Variants in CLCN5 observed in about 807,000 individuals in gnomAD.
CLCN5 encodes H(+)/Cl(-) exchange transporter 5.
CLCN5 carries 17 observed loss-of-function variants against 54.0 expected under a neutral mutation model. The observed-to-expected ratio is 0.31, with a 90% CI of 0.22 to 0.47. The LOEUF is 0.47. CLCN5 is among the 20% of genes least tolerant of loss of function. CLCN5 has a pLI of 1.00. For synonymous variants in CLCN5, 222 were observed against 233.0 expected (o/e 0.95, Z 0.43); for missense variants, 448 against 646.7 (o/e 0.69, Z 3.33).
intron 4 of CLCN5, among the ~76,000 whole-genome samples, chrX:50,052,009 A>G (rs1932603052): frequency 9.0e-6 from 1 of 111,265 alleles, no homozygotes; most frequent in South Asian, 3.7e-4. Context: ...TCTCTTTCCA[A>G]CCTGTATACT....
chrX:50,083,977 T>C (rs1557193552), intron 9 of CLCN5, among the ~76,000 whole-genome samples: 1 of 112,249 alleles, frequency 8.9e-6, no homozygotes, highest in Non-Finnish European at 1.9e-5. Context: ...ATTTGGCTGT[T>C]TCTCTCTACA....
At chrX:49,970,825 A>C (rs1401427813) in intron 3 of CLCN5, among the ~76,000 whole-genome samples, 1 of 111,495 alleles carries the variant, frequency 9.0e-6, no homozygotes, top group Non-Finnish European at 1.9e-5. Context: ...TAGTATTTTG[A>C]GAAACTGCCA....
intron 3 of CLCN5, among the ~76,000 whole-genome samples, chrX:49,965,933 C>T (rs1927822052): frequency 8.9e-6 from 1 of 111,991 alleles, no homozygotes; most frequent in Admixed American, 9.5e-5. Context: ...TTAAATCAAC[C>T]TTGCCTTCCT....
Position 50,097,232 on chromosome X carries a change from G to C in CLCN5, c.*5013G>C, listed in dbSNP as rs1356610453. 1 of 112,055 alleles carries C rather than the reference G, an allele frequency of 8.9e-6. No individual in the cohort carries two copies. Among genetic ancestry groups the C allele is most frequent in the East Asian group, 2.8e-4 (1 of 3,562 alleles). 9.2% of individuals were successfully genotyped at this position (112,055 alleles called of 1,213,427 possible). A position where few individuals can be genotyped will look rare whatever the true frequency, so the allele number is the denominator to read the frequency against. On this transcript the variant is annotated 3_prime_UTR_variant, in exon 15 of 15. Transcript: ENST00000376091. ...AGCAACTTTAAGTTACTCCCCAAAC[G>C]TTTGCTGGCCACATTCTCATTTCTA... is the stretch of plus-strand genomic sequence containing the variant.
rs73492022 is a variant in CLCN5 at position 50,086,947 on chromosome X, A to G, written c.1557+77A>G. 3.6e-3 allele frequency: 3,384 copies of G among 936,199 alleles called. 57 individuals are homozygous for G. In the African/African-American group the frequency reaches 0.057, roughly 16 times the overall value. The allele number at this position is 936,199 out of a possible 1,213,427, so 77.2% of individuals were successfully genotyped here. A position where few individuals can be genotyped will look rare whatever the true frequency, so the allele number is the denominator to read the frequency against. ...GAGGGCAGAGCCCAGGTATCATACA[A>G]TCCTGATAGCTCATATGGTGCTTTC... is the stretch of plus-strand genomic sequence containing the variant. On this transcript the variant is annotated intron_variant, in intron 11 of 14. Coordinates refer to ENST00000376091, the MANE Select transcript of CLCN5 (RefSeq NM_001127898.4).
In CLCN5 at chrX:50,081,830, G is replaced by C; in HGVS notation, c.916G>C (p.Glu306Gln). ...CHCFNKYRKN[E>Q]AKRREVLSAA... ...CTGCTTCAACAAATACAGGAAGAAT[G>C]AAGCCAAGCGCAGAGAGGTAATAAT... The change falls in exon 9 of 15, where the codon GAA (glutamate) becomes CAA (glutamine). Residue 306 changes from glutamate (E) to glutamine (Q), a missense_variant. Physicochemically the swap from Glu to Gln is conservative, Grantham distance 29. Around this residue, in one of 5 missense-constraint regions of CLCN5, gnomAD observed 297 missense variants for 470.4 expected, o/e 0.63. Coordinates refer to ENST00000376091, the MANE Select transcript of CLCN5 (RefSeq NM_001127898.4). 8.3e-7 allele frequency: 1 copy of C among 1,209,640 alleles called. No individual in the cohort carries two copies. The highest frequency in any genetic ancestry group is 1.1e-6 in the Non-Finnish European group (1 of 894,075).
chrX:50,067,613 G>A, intron 4 of CLCN5: 1 of 753,753 alleles, frequency 1.3e-6, no homozygotes, highest in Non-Finnish European at 1.6e-6. Context: ...GTTTGTTGCT[G>A]TGAAAGGCAG....
chrX:49,977,166 G>A (rs781889087), intron 3 of CLCN5, among the ~76,000 whole-genome samples: 48 of 111,010 alleles, frequency 4.3e-4, no homozygotes, highest in Non-Finnish European at 7.5e-4. Context: ...TGGAGTTGAA[G>A]AGCAGGGAGG....
chrX:50,082,302 C>G (rs1194419636), intron 9 of CLCN5, among the ~76,000 whole-genome samples: 1 of 109,766 alleles, frequency 9.1e-6, no homozygotes, highest in Admixed American at 9.7e-5. Flanking sequence ...TGGTTTTACC[C>G]CAAACTGGTT....
intron 8 of CLCN5, among the ~76,000 whole-genome samples, chrX:50,081,382 G>A (rs1264905231): frequency 9.0e-6 from 1 of 110,740 alleles, no homozygotes; most frequent in Non-Finnish European, 1.9e-5. Flanking sequence ...CTTCATATAT[G>A]CACACTCTCA....
chrX:50,046,360 CT>C (rs1345436822), intron 4 of CLCN5, among the ~76,000 whole-genome samples: 1 of 112,137 alleles, frequency 8.9e-6, no homozygotes, highest in Non-Finnish European at 1.9e-5. Flanking sequence ...TTCGATTCCC[CT>C]TTTTTCCTCA....
intron 3 of CLCN5, among the ~76,000 whole-genome samples, chrX:50,004,140 C>T (rs1346200121): frequency 1.8e-5 from 2 of 111,348 alleles, no homozygotes; most frequent in Non-Finnish European, 3.8e-5. Flanking sequence ...CTGTTATCTC[C>T]CCAGACCCAG....
rs562497789 is a variant in CLCN5, at chrX:49,946,833, A to C, written c.16+21519A>C. On this transcript the variant is annotated intron_variant, in intron 3 of 14. Transcript: ENST00000376091. The stretch of plus-strand genomic sequence containing the variant: ...TCTTTTTTTCTTTTTCTTTTTTTTT[A>C]TTTTTATTTTTTGAGATGGAGTTTC... 2.7e-4 allele frequency among the ~76,000 whole-genome samples: 29 copies of C among 107,526 alleles called. No homozygotes were observed. The East Asian group carries it at 6.1e-3, about 23-fold the overall frequency. The allele number at this position is 107,526 out of a possible 115,157, so 93.4% of individuals were successfully genotyped here. A position where few individuals can be genotyped will look rare whatever the true frequency, so the allele number is the denominator to read the frequency against.
At chrX:49,992,751 C>T (rs1490879631) in intron 3 of CLCN5, among the ~76,000 whole-genome samples, 2 of 111,370 alleles carry the variant, frequency 1.8e-5, no homozygotes, top group Non-Finnish European at 3.8e-5. Context: ...GCTTTTAATG[C>T]AAGTAATTTA....
In CLCN5 at chrX:50,093,082, A is replaced by G. The variant is rs782556009; in HGVS notation, c.*863A>G. 8.4e-4 allele frequency: 94 copies of G among 112,476 alleles called. No individual in the cohort carries two copies. The highest frequency in any genetic ancestry group is 2.8e-3 in the African/African-American group (88 of 31,004). The allele number at this position is 112,476 out of a possible 1,213,427, so 9.3% of individuals were successfully genotyped here. A position where few individuals can be genotyped will look rare whatever the true frequency, so the allele number is the denominator to read the frequency against. On this transcript the variant is annotated 3_prime_UTR_variant, in exon 15 of 15. Transcript: ENST00000376091. The stretch of plus-strand genomic sequence containing the variant: ...ATTAGTAAACTTCTAAGCAAAGTCA[A>G]TGACTAGGAGTTTCACATGTTTGTG...
chrX:50,037,066 A>T (rs782446080), intron 3 of CLCN5, among the ~76,000 whole-genome samples: 178 of 112,142 alleles, frequency 1.6e-3, no homozygotes, highest in Non-Finnish European at 2.7e-3. Flanking sequence ...TAAAGGAAAG[A>T]TGATTTGTCT....
intron 3 of CLCN5, among the ~76,000 whole-genome samples, chrX:49,977,884 T>G (rs1189298983): frequency 8.9e-6 from 1 of 111,741 alleles, no homozygotes; most frequent in Non-Finnish European, 1.9e-5. Context: ...CAGCTGCTCC[T>G]ACCCAGCTGC....
intron 13 of CLCN5, 51 bp downstream of exon 13, chrX:50,090,565 T>C: frequency 1.7e-6 from 2 of 1,171,705 alleles, no homozygotes; most frequent in Non-Finnish European, 2.3e-6. Flanking sequence ...ACTCAATAAA[T>C]ATGCCTGAAA....
intron 4 of CLCN5, among the ~76,000 whole-genome samples, chrX:50,062,172 G>A (rs1321891144): frequency 3.1e-5 from 3 of 96,737 alleles, no homozygotes; most frequent in South Asian, 5.6e-4. Context: ...AACTTTAAAT[G>A]TAAATGGACT....
Sources: gnomAD v4.1 joint callset for allele counts (sites outside exome capture counted in the v4.1 genomes callset) on GRCh38, gnomAD v4.1.1 for gene constraint, gnomAD v4.1.1 regional missense constraint, MANE v1.5 for transcripts, NCBI Gene and HGNC (gene_info 2026-07-23, HGNC 2026-07-21) for gene names.